The following RPL22L1 variants were observed in gnomAD, a reference collection of about 807,000 sequenced individuals.
RPL22L1 encodes the protein ribosomal protein L22 like 1.
A neutral mutation model predicts 17.3 loss-of-function variants in RPL22L1; 19 were observed. That is an observed-to-expected ratio of 1.10 (90% CI 0.77 to 1.61). The LOEUF (loss-of-function observed/expected upper bound fraction) is 1.61, where lower values mean the gene tolerates loss of function less well. Among genes scored for constraint, RPL22L1 ranks in the 40% most tolerant of loss-of-function variants. The probability of loss-of-function intolerance (pLI) is 0.00; values close to 1 mark genes in which losing one functional copy is unlikely to be tolerated. For synonymous variants in RPL22L1, 48 were observed against 48.5 expected, an observed-to-expected ratio of 0.99 and a Z score of 0.05; for missense variants, 139 against 144.4, an observed-to-expected ratio of 0.96 and a Z score of 0.19.
chr3:170,865,602 T>C lies in RPL22L1; in HGVS notation c.*778A>G, dbSNP rs553718899. The stretch of plus-strand genomic sequence containing the variant: ...CAAGGACCACAGTAGATTCTGTAGC[T>C]GAGTTGAGATTTGGTTTTGAGTTTC... On this transcript the variant is annotated 3_prime_UTR_variant, in exon 4 of 4. Transcript: ENST00000295830. The C allele has an allele frequency of 5.3e-5, 8 of 152,132 alleles. No individual in the cohort carries two copies. The highest frequency in any genetic ancestry group is 1.0e-4 in the Non-Finnish European group (7 of 68,030). The allele number at this position is 152,132 out of a possible 1,614,324, so 9.4% of individuals were successfully genotyped here.
chr3:170,867,910 C>T (rs1711830531), intron 3 of RPL22L1, 103 bp downstream of exon 3: 4 of 972,398 alleles, frequency 4.1e-6, no homozygotes, highest in Non-Finnish European at 6.0e-6. Context: ...GTCTAAAGTT[C>T]ATATTTATTC....
chr3:170,868,923 C>A (rs867958608), intron 1 of RPL22L1, among the ~76,000 whole-genome samples: 5 of 151,844 alleles, frequency 3.3e-5, no homozygotes, highest in Admixed American at 6.6e-5. Context: ...GAGTTCAAGG[C>A]CAGCCTGGCC....
chr3:170,868,804 A>AT (rs1491112344), intron 1 of RPL22L1, among the ~76,000 whole-genome samples: 2 of 107,666 alleles, frequency 1.9e-5, no homozygotes, highest in African/African-American at 3.8e-5. Flanking sequence ...GGACTTTGGT[A>AT]AAAAAAAAAA....
chr3:170,866,578 A>T lies in RPL22L1; in HGVS notation c.225-54T>A, dbSNP rs1711774442. ...AAGAAATACAATTCCTACTATGTAAAGGTTTACTATACGAAAAATATACAT... is the reference window on the plus strand; with the variant it reads ...AAGAAATACAATTCCTACTATGTAATGGTTTACTATACGAAAAATATACAT... On this transcript the variant is annotated intron_variant, in intron 3 of 3. Transcript: ENST00000295830. 6 of 1,345,188 alleles carry T rather than the reference A, an allele frequency of 4.5e-6. No individual in the cohort carries two copies. The South Asian group carries it at 8.1e-5, about 18-fold the overall frequency. The allele number at this position is 1,345,188 out of a possible 1,614,324, so 83.3% of individuals were successfully genotyped here.
At chr3:170,869,605 C>T (rs34619977) in intron 1 of RPL22L1, among the ~76,000 whole-genome samples, 45,529 of 152,082 alleles carry the variant, frequency 0.3, 6,931 homozygotes, top group East Asian at 0.41. Flanking sequence ...TTAAGTAAAA[C>T]ATCTGAAGCA....
Position 170,868,302 on chromosome 3 carries a change from T to C in RPL22L1, c.98A>G (p.Asn33Ser). 6.2e-7 allele frequency: 1 copy of C among 1,601,356 alleles called. No homozygotes were observed. Among genetic ancestry groups the C allele is most frequent in the South Asian group, 1.1e-5 (1 of 90,178 alleles). ...PVEDGIFDSG[N>S]FEQFLREKVK... ...GCCGAGTAGAATGATACTTACAAAA[T>C]TTCCAGAATCAAAAATTCCATCTTC... The change falls in exon 2 of 4, where the codon AAT (asparagine) becomes AGT (serine). Residue 33 changes from asparagine to serine, a missense_variant. By Grantham distance (46) the Asn-to-Ser change is conservative (BLOSUM62 1). Coordinates refer to ENST00000295830, the MANE Select transcript of RPL22L1 (RefSeq NM_001099645.2).
At chr3:170,867,632 AGACTTT>A (rs1477359577) in intron 3 of RPL22L1, among the ~76,000 whole-genome samples, 5 of 152,196 alleles carry the variant, frequency 3.3e-5, no homozygotes, top group Non-Finnish European at 2.9e-5. Flanking sequence ...CAAGATGTTA[AGACTTT>A]GACTTTAACT....
At chr3:170,868,191 G>C in intron 2 of RPL22L1, 57 bp from the exon 3 acceptor site, 1 of 1,565,344 alleles carries the variant, frequency 6.4e-7, no homozygotes, top group Admixed American at 1.7e-5. Flanking sequence ...ATATTCACTA[G>C]GGAAGGTACC....
At position 170,865,057 on chromosome 3, in the gene RPL22L1, C is replaced by T. The variant is rs1711688094; in HGVS notation, c.*1323G>A. 3 of 152,180 alleles carry T rather than the reference C, an allele frequency of 2.0e-5. No homozygotes were observed. 9.4% of individuals were successfully genotyped at this position (152,180 alleles called of 1,614,324 possible). The stretch of plus-strand genomic sequence containing the variant: ...TGCACAGTAGTAGGTACCTGGTTAA[C>T]TATTTGTGAAAAACATGAAAAATGG... On this transcript the variant is annotated 3_prime_UTR_variant, in exon 4 of 4. Transcript: ENST00000295830.
chr3:170,866,438 T>C lies in RPL22L1; in HGVS notation c.311A>G (p.Tyr104Cys), dbSNP rs1711764922. 9 of 1,600,702 alleles carry C rather than the reference T, an allele frequency of 5.6e-6. No homozygotes were observed. Among genetic ancestry groups the C allele is most frequent in the African/African-American group, 1.3e-5 (1 of 74,854 alleles). Residue 104 changes from tyrosine to cysteine, a missense_variant, in exon 4 of 4, where the codon TAC becomes TGC. Coordinates refer to ENST00000295830, the MANE Select transcript of RPL22L1 (RefSeq NM_001099645.2). ...LRVVASDKET[Y>C]ELRYFQISQD... ...ACTAATCTGGAAGTAACGAAGTTCGTAGGTCTCCTTGTCAGATGCAACCAC... is the reference window on the plus strand; with the variant it reads ...ACTAATCTGGAAGTAACGAAGTTCGCAGGTCTCCTTGTCAGATGCAACCAC...
rs1711730805 is a variant in RPL22L1 at position 170,865,746 on chromosome 3, T to G, written c.*634A>C. On this transcript the variant is annotated 3_prime_UTR_variant, in exon 4 of 4. Transcript: ENST00000295830. The stretch of plus-strand genomic sequence containing the variant: ...TAAGAGCAAACTACAGAGCAACTTA[T>G]ATGTAAGAACTGTTCTAAGCACTTG... 6.6e-6 allele frequency: 1 copy of G among 152,248 alleles called. No individual in the cohort carries two copies. Among genetic ancestry groups the G allele is most frequent in the Non-Finnish European group, 1.5e-5 (1 of 68,056 alleles). The allele number at this position is 152,248 out of a possible 1,614,324, so 9.4% of individuals were successfully genotyped here. A position where few individuals can be genotyped will look rare whatever the true frequency, so the allele number is the denominator to read the frequency against.
chr3:170,869,800 C>A (rs1711922884), intron 1 of RPL22L1, among the ~76,000 whole-genome samples: 1 of 152,188 alleles, frequency 6.6e-6, no homozygotes, highest in Non-Finnish European at 1.5e-5. Flanking sequence ...CACCATTCCC[C>A]TACCCAGTGC....
At chr3:170,869,940 G>C (rs764632016) in intron 1 of RPL22L1, 3 of 728,436 alleles carry the variant, frequency 4.1e-6, no homozygotes, top group Non-Finnish European at 7.3e-6. Flanking sequence ...AACCAATTCC[G>C]GGCCCAGCTC....
rs929444169 is a variant in RPL22L1, at chr3:170,868,322, A to C, written c.78T>G (p.Asp26Glu). Residue 26 changes from aspartate to glutamate, a missense_variant, in exon 2 of 4, where the codon GAT becomes GAG. Asp to Glu is a conservative substitution (Grantham distance 45). Coordinates refer to ENST00000295830, the MANE Select transcript of RPL22L1 (RefSeq NM_001099645.2). ...FNLDLTHPVE[D>E]GIFDSGNFEQ... ...CAAAATTTCCAGAATCAAAAATTCC[A>C]TCTTCTACTGGATGAGTAAGGTCCA... 1.9e-6 allele frequency: 3 copies of C among 1,609,874 alleles called. No individual in the cohort carries two copies. Among genetic ancestry groups the C allele is most frequent in the Non-Finnish European group, 1.7e-6 (2 of 1,177,764 alleles).
rs1296394329 is a variant in RPL22L1 at position 170,866,277 on chromosome 3, T to C, written c.*103A>G. 8.5e-6 allele frequency: 8 copies of C among 935,724 alleles called. No homozygotes were observed. Among genetic ancestry groups the C allele is most frequent in the Non-Finnish European group, 1.1e-5 (7 of 645,522 alleles). 58.0% of individuals were successfully genotyped at this position (935,724 alleles called of 1,614,324 possible). A position where few individuals can be genotyped will look rare whatever the true frequency, so the allele number is the denominator to read the frequency against. On this transcript the variant is annotated 3_prime_UTR_variant, in exon 4 of 4. Coordinates refer to ENST00000295830, the MANE Select transcript of RPL22L1 (RefSeq NM_001099645.2). ...ATGAGACAAAAGTTCAAGAGTATAATATTTTTTATTCACTGATAAACTAAA... is the reference window on the plus strand; with the variant it reads ...ATGAGACAAAAGTTCAAGAGTATAACATTTTTTATTCACTGATAAACTAAA...
chr3:170,865,532 ATGCTC>A lies in RPL22L1; in HGVS notation c.*843_*847del, dbSNP rs1319673084. 1.3e-5 allele frequency: 2 copies of A among 152,178 alleles called. No individual in the cohort carries two copies. The highest frequency in any genetic ancestry group is 4.8e-5 in the African/African-American group (2 of 41,434). The allele number at this position is 152,178 out of a possible 1,614,324, so 9.4% of individuals were successfully genotyped here. A position where few individuals can be genotyped will look rare whatever the true frequency, so the allele number is the denominator to read the frequency against. On this transcript the variant is annotated 3_prime_UTR_variant, in exon 4 of 4. Coordinates refer to ENST00000295830, the MANE Select transcript of RPL22L1 (RefSeq NM_001099645.2). Reference sequence around the variant, plus strand: ...AGGGGCTTTTGAGAAAGAGATGAGGATGCTCTGAGACAAGATTCCAACCGAGTGAA... The same window carrying A: ...AGGGGCTTTTGAGAAAGAGATGAGGATGAGACAAGATTCCAACCGAGTGAA...
At chr3:170,868,519 A>G in intron 1 of RPL22L1, 129 bp from the exon 2 acceptor site, 1 of 575,312 alleles carries the variant, frequency 1.7e-6, no homozygotes, top group Non-Finnish European at 3.0e-6. Flanking sequence ...AAATGTAACA[A>G]TAAATAAAAA....
chr3:170,868,001 A>C lies in RPL22L1; in HGVS notation c.224+12T>G. The stretch of plus-strand genomic sequence containing the variant: ...CTACTATAGTTTTATTAAAATTTGC[A>C]AAAGTACCAACCTTTTAGAGAACTG... On this transcript the variant is annotated intron_variant, in intron 3 of 3. Coordinates refer to ENST00000295830, the MANE Select transcript of RPL22L1 (RefSeq NM_001099645.2). 6.4e-7 allele frequency: 1 copy of C among 1,569,736 alleles called. No homozygotes were observed. Among genetic ancestry groups the C allele is most frequent in the Non-Finnish European group, 8.6e-7 (1 of 1,159,680 alleles).
chr3:170,866,867 T>A (rs976158777), intron 3 of RPL22L1, among the ~76,000 whole-genome samples: 10 of 152,140 alleles, frequency 6.6e-5, no homozygotes, highest in Admixed American at 2.6e-4. Flanking sequence ...TCAAGCCCCC[T>A]AGCTCCCAAT....
Sources: allele counts gnomAD v4.1 joint callset (sites outside exome capture counted in the v4.1 genomes callset), GRCh38; gene constraint gnomAD v4.1.1; transcripts MANE v1.5; gene names NCBI Gene and HGNC (gene_info 2026-07-23, HGNC 2026-07-21).